IER3IP1: variants seen among roughly 807,000 people sequenced by gnomAD.
The protein encoded by IER3IP1 is immediate early response 3-interacting protein 1.
In IER3IP1, 16 loss-of-function variants were observed where a neutral mutation model predicts 12.2. The ratio of observed to expected loss-of-function variants is 1.31; its 90% CI spans 0.89 to 1.99. The LOEUF (loss-of-function observed/expected upper bound fraction) is 1.99. IER3IP1 is among the 30% of genes most tolerant of loss of function. IER3IP1 has a pLI of 0.00. For synonymous variants in IER3IP1, 42 were observed against 40.0 expected (o/e 1.05, Z -0.19); for missense variants, 95 against 95.8 (o/e 0.99, Z 0.03).
intron 1 of IER3IP1, 106 bp from the exon 2 acceptor site, chr18:47,157,643 A>G (rs2063965710): frequency 1.0e-6 from 1 of 968,030 alleles, no homozygotes; most frequent in Non-Finnish European, 1.7e-6. Flanking sequence ...ACAAAGTAGA[A>G]AGTCATATGA....
chr18:47,155,941 C>CATA lies in IER3IP1; in HGVS notation c.*235_*236insTAT, dbSNP rs2063957204. ...TGAACTACTATTAACACTGAGCAAT[C>CATA]AGATATTCCAGTCCTGGAGAGTTAC... On this transcript the variant is annotated 3_prime_UTR_variant, in exon 3 of 3. Coordinates refer to ENST00000256433, the MANE Select transcript of IER3IP1 (RefSeq NM_016097.5). 1 of 466,684 alleles carries CATA rather than the reference C, an allele frequency of 2.1e-6. No homozygotes were observed. The highest frequency in any genetic ancestry group is 2.0e-5 in the African/African-American group (1 of 50,778). 28.9% of individuals were successfully genotyped at this position (466,684 alleles called of 1,614,324 possible).
intron 1 of IER3IP1, among the ~76,000 whole-genome samples, chr18:47,167,862 A>C (rs2064000933): frequency 1.3e-5 from 2 of 151,972 alleles, no homozygotes; most frequent in Non-Finnish European, 2.9e-5. Context: ...GGTGGCTTAA[A>C]CCTGTAATCC....
rs754245911 is a variant in IER3IP1 at position 47,176,199 on chromosome 18, A to ATGCC, written c.78_79insGGCA (p.Phe27GlyfsTer24). ...CGGTCCCACTCACTGTTCTTGAGGA[A>ATGCC]TCGCTCCTCGTGCAGCACTGCGATG... On this transcript the variant is annotated frameshift_variant, in exon 1 of 3. Coordinates refer to ENST00000256433, the MANE Select transcript of IER3IP1 (RefSeq NM_016097.5). LOFTEE classifies it high-confidence loss of function. The ATGCC allele has an allele frequency of 6.3e-7, 1 of 1,598,888 alleles. No homozygotes were observed. The highest frequency in any genetic ancestry group is 8.5e-7 in the Non-Finnish European group (1 of 1,172,992).
In IER3IP1 at chr18:47,155,433, GTTT is replaced by G. The variant is rs201115046; in HGVS notation, c.*741_*743del. 6.6e-6 allele frequency: 1 copy of G among 151,626 alleles called. No homozygotes were observed. The highest frequency in any genetic ancestry group is 1.5e-5 in the Non-Finnish European group (1 of 67,942). The allele number at this position is 151,626 out of a possible 1,614,324, so 9.4% of individuals were successfully genotyped here. A position where few individuals can be genotyped will look rare whatever the true frequency, so the allele number is the denominator to read the frequency against. On this transcript the variant is annotated 3_prime_UTR_variant, in exon 3 of 3. Coordinates refer to ENST00000256433, the MANE Select transcript of IER3IP1 (RefSeq NM_016097.5). ...CTTGTGGGCTAATATTTACGCTGTT[GTTT>G]TTTTTAAATCATCATTGTAAAAAGG...
At chr18:47,176,106 T>A in intron 1 of IER3IP1, 81 bp downstream of exon 1, 1 of 1,118,604 alleles carries the variant, frequency 8.9e-7, no homozygotes, top group Non-Finnish European at 1.3e-6. Flanking sequence ...GCCCTTGGTG[T>A]CCCCTCACGC....
intron 1 of IER3IP1, among the ~76,000 whole-genome samples, chr18:47,160,967 G>A (rs561952584): frequency 1.2e-4 from 18 of 151,990 alleles, no homozygotes; most frequent in African/African-American, 3.4e-4. Context: ...TCACCCTTAC[G>A]CATTAATTCT....
At chr18:47,157,143 C>A (rs932030796) in intron 2 of IER3IP1, 4 of 369,782 alleles carry the variant, frequency 1.1e-5, no homozygotes, top group Non-Finnish European at 2.0e-5. Flanking sequence ...TTGGAAACAA[C>A]AGTTTCCAAA....
rs1484570711 is a variant in IER3IP1 at position 47,154,584 on chromosome 18, T to C, written c.*1593A>G. On this transcript the variant is annotated 3_prime_UTR_variant, in exon 3 of 3. Coordinates refer to ENST00000256433, the MANE Select transcript of IER3IP1 (RefSeq NM_016097.5). ...GGAAATGGGCCTGCCCTCAAGTAAC[T>C]GCTTCTTTTGAATCTTTTCAGTAGC... 1 of 152,256 alleles carries C rather than the reference T, an allele frequency of 6.6e-6. No individual in the cohort carries two copies. Among genetic ancestry groups the C allele is most frequent in the Non-Finnish European group, 1.5e-5 (1 of 68,052 alleles). 9.4% of individuals were successfully genotyped at this position (152,256 alleles called of 1,614,324 possible). A position where few individuals can be genotyped will look rare whatever the true frequency, so the allele number is the denominator to read the frequency against.
intron 1 of IER3IP1, among the ~76,000 whole-genome samples, chr18:47,157,830 C>CT (rs1296345357): frequency 2.0e-5 from 3 of 152,080 alleles, no homozygotes; most frequent in South Asian, 4.1e-4. Flanking sequence ...TTTTTTTCTC[C>CT]TTTTTTTAAA....
At position 47,176,308 on chromosome 18, in the gene IER3IP1, G is replaced by C. The variant is rs201119398; in HGVS notation, c.-31C>G. 4 of 1,563,846 alleles carry C rather than the reference G, an allele frequency of 2.6e-6. No homozygotes were observed. The highest frequency in any genetic ancestry group is 3.6e-5 in the Admixed American group (2 of 55,460). ...TCCGAGGCCGCCCCGAAGTCCAAGC[G>C]ATTTCTCTCCCGCCGCCGCAAGGGA... On this transcript the variant is annotated 5_prime_UTR_variant, in exon 1 of 3. The change creates a new upstream start codon in the 5' untranslated region. Coordinates refer to ENST00000256433, the MANE Select transcript of IER3IP1 (RefSeq NM_016097.5).
At position 47,153,636 on chromosome 18, in the gene IER3IP1, CAT is replaced by C. The variant is rs71162834; in HGVS notation, c.*2539_*2540del. 0.41 allele frequency: 61,760 copies of C among 151,658 alleles called. 13,036 individuals are homozygous for C. Among genetic ancestry groups the C allele is most frequent in the Middle Eastern group, 0.49 (144 of 294 alleles). 9.4% of individuals were successfully genotyped at this position (151,658 alleles called of 1,614,324 possible). On this transcript the variant is annotated 3_prime_UTR_variant, in exon 3 of 3. Coordinates refer to ENST00000256433, the MANE Select transcript of IER3IP1 (RefSeq NM_016097.5). ...TTTAGCTCCCACTTATAAGTAATAACATGTGGTATTTGGTTTTCTGTTCCTAC... is the reference window on the plus strand; with the variant it reads ...TTTAGCTCCCACTTATAAGTAATAACGTGGTATTTGGTTTTCTGTTCCTAC...
chr18:47,161,145 A>T (rs1317632090), intron 1 of IER3IP1, among the ~76,000 whole-genome samples: 1 of 152,198 alleles, frequency 6.6e-6, no homozygotes, highest in Non-Finnish European at 1.5e-5. Flanking sequence ...TTTTAAATAG[A>T]TATACCTGAA....
At position 47,168,148 on chromosome 18, in the gene IER3IP1, A is replaced by T. The variant is rs1327350909; in HGVS notation, c.91+8039T>A. Among the ~76,000 whole-genome samples, 947 of 143,104 alleles carry T rather than the reference A, an allele frequency of 6.6e-3. 16 individuals carry two copies. The highest frequency in any genetic ancestry group is 0.025 in the African/African-American group (912 of 37,138). The allele number at this position is 143,104 out of a possible 152,430, so 93.9% of individuals were successfully genotyped here. ...CTCAAAAAAAAAAAAAAAAAAAAAA[A>T]AAAAAAATTTTAGCTAGGTGGTGGT... On this transcript the variant is annotated intron_variant, in intron 1 of 2. Transcript: ENST00000256433.
intron 1 of IER3IP1, among the ~76,000 whole-genome samples, chr18:47,173,307 T>G (rs952508503): frequency 3.3e-5 from 5 of 152,168 alleles, no homozygotes; most frequent in African/African-American, 9.7e-5. Context: ...CTTCATCCAC[T>G]CTTATTCCCA....
rs905391616 is a variant in IER3IP1 at position 47,172,235 on chromosome 18, A to G, written c.91+3952T>C. 6.6e-6 allele frequency among the ~76,000 whole-genome samples: 1 copy of G among 152,054 alleles called. No homozygotes were observed. The highest frequency in any genetic ancestry group is 1.5e-5 in the Non-Finnish European group (1 of 68,010). ...CTCAAGCTCTAAAAACAAAACCACC[A>G]CCATAAAACACACCCCCATATCCCT... On this transcript the variant is annotated intron_variant, in intron 1 of 2. Coordinates refer to ENST00000256433, the MANE Select transcript of IER3IP1 (RefSeq NM_016097.5). This position sits in a 1 kb window ranked among gnomAD's most constrained non-coding sequence, Gnocchi z 4.0.
chr18:47,167,112 G>A (rs115932136), intron 1 of IER3IP1, among the ~76,000 whole-genome samples: 3,079 of 151,746 alleles, frequency 0.02, 89 homozygotes, highest in African/African-American at 0.07. Context: ...GTCCAGTGGC[G>A]CAGTGTCAGC....
At chr18:47,163,185 ATAGAG>A (rs1332862221) in intron 1 of IER3IP1, among the ~76,000 whole-genome samples, 2 of 152,212 alleles carry the variant, frequency 1.3e-5, no homozygotes, top group African/African-American at 4.8e-5. Context: ...TCATAATAAA[ATAGAG>A]TAATTATAAC....
intron 1 of IER3IP1, among the ~76,000 whole-genome samples, chr18:47,158,615 G>A (rs889291351): frequency 1.3e-5 from 2 of 151,894 alleles, no homozygotes; most frequent in African/African-American, 2.4e-5. Flanking sequence ...TTACAGGCAT[G>A]AGTCACCGCA....
At chr18:47,159,793 A>G (rs1366370501) in intron 1 of IER3IP1, among the ~76,000 whole-genome samples, 1 of 151,704 alleles carries the variant, frequency 6.6e-6, no homozygotes, top group African/African-American at 2.4e-5. Context: ...CTTTTAGGAC[A>G]TGGCTCTCCT....
Sources: allele counts gnomAD v4.1 joint callset (sites outside exome capture counted in the v4.1 genomes callset), GRCh38; gene constraint gnomAD v4.1.1; non-coding constraint Gnocchi (gnomAD v3.1); transcripts MANE v1.5; gene names NCBI Gene and HGNC (gene_info 2026-07-23, HGNC 2026-07-21).